The following ZNF519 variants were observed in gnomAD, a reference collection of about 807,000 sequenced individuals.
The protein encoded by ZNF519 is similar to Zinc finger protein 85 (Zinc finger protein HPF4) (HTF1).
A neutral mutation model predicts 7.4 loss-of-function variants in ZNF519; 7 were observed. The ratio of observed to expected loss-of-function variants is 0.94; its 90% CI spans 0.54 to 1.77. The LOEUF is 1.77. ZNF519 is among the 40% of genes most tolerant of loss of function. The pLI is 0.00. For synonymous variants in ZNF519, 179 were observed against 203.3 expected (o/e 0.88, Z 1.02); for missense variants, 586 against 623.1 (o/e 0.94, Z 0.63).
chr18:14,124,250 T>C (rs1187760369), intron 2 of ZNF519, 100 bp downstream of exon 2: 2 of 1,124,106 alleles, frequency 1.8e-6, no homozygotes, highest in Non-Finnish European at 2.4e-6. Context: ...AGAACTGAAA[T>C]TAATTCATGC....
downstream of ZNF519, among the ~76,000 whole-genome samples, chr18:14,096,269 C>T (rs757754290): frequency 1.3e-5 from 2 of 152,212 alleles, no homozygotes; most frequent in Non-Finnish European, 2.9e-5. Flanking sequence ...TGTGACTCTG[C>T]CCTTCCTACC....
At chr18:14,097,112 C>T (rs1307606952), downstream of ZNF519, among the ~76,000 whole-genome samples, 1 of 152,252 alleles carries the variant, frequency 6.6e-6, no homozygotes, top group African/African-American at 2.4e-5. Context: ...CCTGGAGTCT[C>T]CAAATCAAAT....
At chr18:14,113,192 C>A (rs1201069858) in intron 2 of ZNF519, among the ~76,000 whole-genome samples, 1 of 152,166 alleles carries the variant, frequency 6.6e-6, no homozygotes, top group Non-Finnish European at 1.5e-5. Flanking sequence ...GAAAATAAAT[C>A]TTTGAACCCC....
Position 14,116,493 on chromosome 18 carries a change from CA to C in ZNF519, c.130+7856del, listed in dbSNP as rs769531029. Reference sequence around the variant, plus strand: ...AGATGATGGAACAGAATGGAGAACTCAAAAACAAAGCATTGTGTATATGGTC... The same window carrying C: ...AGATGATGGAACAGAATGGAGAACTCAAAACAAAGCATTGTGTATATGGTC... On this transcript the variant is annotated intron_variant, in intron 2 of 2. Transcript: ENST00000590202. Among the ~76,000 whole-genome samples, 7 of 152,160 alleles carry C rather than the reference CA, an allele frequency of 4.6e-5. No homozygotes were observed. The East Asian group carries it at 1.4e-3, about 29-fold the overall frequency.
chr18:14,122,054 C>T (rs758136757), intron 2 of ZNF519: 5 of 152,090 alleles, frequency 3.3e-5, no homozygotes, highest in Non-Finnish European at 7.4e-5. Context: ...TTTAGCACAT[C>T]AGCTATCATT....
At chr18:14,127,335 T>C (rs2046304106) in intron 1 of ZNF519, among the ~76,000 whole-genome samples, 1 of 152,198 alleles carries the variant, frequency 6.6e-6, no homozygotes. Flanking sequence ...GAGTTTTCTG[T>C]ATGTCTTCAA....
At chr18:14,122,002 G>A (rs2046271700) in intron 2 of ZNF519, 1 of 152,144 alleles carries the variant, frequency 6.6e-6, no homozygotes, top group South Asian at 2.1e-4. Context: ...TTGCTTATCT[G>A]TGGTGACGAA....
At chr18:14,085,700 G>A (rs1375335967) in intron 2 of ZNF519, among the ~76,000 whole-genome samples, 1 of 152,056 alleles carries the variant, frequency 6.6e-6, no homozygotes, top group Non-Finnish European at 1.5e-5. Flanking sequence ...GAGGGAAGGT[G>A]AGTGATGTGA....
chr18:14,109,454 A>G (rs1236723032), intron 2 of ZNF519, among the ~76,000 whole-genome samples: 2 of 152,204 alleles, frequency 1.3e-5, no homozygotes, highest in Non-Finnish European at 2.9e-5. Flanking sequence ...TTGATAGACC[A>G]TATGTTAGGT....
downstream of ZNF519, chr18:14,073,891 T>C (rs752376303): frequency 3.9e-5 from 6 of 152,200 alleles, no homozygotes; most frequent in Non-Finnish European, 7.3e-5. Flanking sequence ...TCACTTTCCT[T>C]TCTCGAAGGC....
chr18:14,080,478 T>C (rs1314599617), intron 3 of ZNF519, among the ~76,000 whole-genome samples: 1 of 152,006 alleles, frequency 6.6e-6, no homozygotes, highest in Non-Finnish European at 1.5e-5. Flanking sequence ...CACGCCACCA[T>C]GCCCAGCTAA....
In ZNF519 at chr18:14,105,443, T is replaced by C. The variant is rs201342172; in HGVS notation, c.1097A>G (p.His366Arg). 6.2e-7 allele frequency: 1 copy of C among 1,613,964 alleles called. No individual in the cohort carries two copies. The change falls in exon 3 of 3, where the codon CAC (histidine) becomes CGC (arginine). Residue 366 changes from histidine to arginine, a missense_variant. By Grantham distance (29) the His-to-Arg change is conservative (BLOSUM62 0). Transcript: ENST00000590202. ...TTTCTCTCCGGTATGGATTCTCTGG[T>C]GTTGAGTAAGGTATGACCCCCTGTT... ...AFNRGSYLTQ[H>R]QRIHTGEKPF... is the part of the protein sequence containing the mutation.
chr18:14,090,958 T>C (rs2046112208), intron 2 of ZNF519: 1 of 152,246 alleles, frequency 6.6e-6, no homozygotes, highest in Admixed American at 6.5e-5. Context: ...TCTCCAATTA[T>C]TGTATTATAC....
Position 14,105,117 on chromosome 18 carries a change from G to A in ZNF519, c.1423C>T (p.Leu475Phe), listed in dbSNP as rs779341930. ...CGKAFIWGSHLTQHQRVHTGE... is the reference protein window; with the variant it reads ...CGKAFIWGSHFTQHQRVHTGE... ...GTATGGACTCTCTGATGTTGAGTAAGGTGTGAGCCCCAGATAAAAGCTTTG... is the reference window on the plus strand; with the variant it reads ...GTATGGACTCTCTGATGTTGAGTAAAGTGTGAGCCCCAGATAAAAGCTTTG... Residue 475 changes from leucine (L) to phenylalanine (F), a missense_variant, in exon 3 of 3, where the codon CTT becomes TTT. Physicochemically the swap from Leu to Phe is conservative, Grantham distance 22. Coordinates refer to ENST00000590202, the MANE Select transcript of ZNF519 (RefSeq NM_145287.4). The A allele has an allele frequency of 1.2e-6, 2 of 1,613,454 alleles. No homozygotes were observed. Among genetic ancestry groups the A allele is most frequent in the Non-Finnish European group, 8.5e-7 (1 of 1,179,750 alleles).
In ZNF519 at chr18:14,101,604, G is replaced by C. The variant is rs951696404; in HGVS notation, c.*3313C>G. 1.5e-5 allele frequency: 6 copies of C among 398,310 alleles called. No individual in the cohort carries two copies. The highest frequency in any genetic ancestry group is 1.2e-4 in the African/African-American group (6 of 48,586). 24.7% of individuals were successfully genotyped at this position (398,310 alleles called of 1,614,324 possible). A position where few individuals can be genotyped will look rare whatever the true frequency, so the allele number is the denominator to read the frequency against. Reference sequence around the variant, plus strand: ...CAAAGTCCTGTGAGTCATCAAGGTGGAGTCCTGGCAGAAGGCCTTCTCAGC... The same window carrying C: ...CAAAGTCCTGTGAGTCATCAAGGTGCAGTCCTGGCAGAAGGCCTTCTCAGC... On this transcript the variant is annotated 3_prime_UTR_variant, in exon 3 of 3. Coordinates refer to ENST00000590202, the MANE Select transcript of ZNF519 (RefSeq NM_145287.4).
chr18:14,093,365 AC>A (rs1375654485), intron 2 of ZNF519, among the ~76,000 whole-genome samples: 1 of 151,888 alleles, frequency 6.6e-6, no homozygotes, highest in Non-Finnish European at 1.5e-5. Flanking sequence ...TTCATGAGGG[AC>A]TCTCTTTCCT....
chr18:14,132,111 C>G (rs1189471476), intron 1 of ZNF519, among the ~76,000 whole-genome samples, 164 bp downstream of exon 1: 1 of 152,118 alleles, frequency 6.6e-6, no homozygotes, highest in Non-Finnish European at 1.5e-5. Flanking sequence ...GGGGCCAAAG[C>G]CGCCGTGCAG....
chr18:14,085,984 G>T (rs1466026454), intron 2 of ZNF519, among the ~76,000 whole-genome samples: 4 of 152,172 alleles, frequency 2.6e-5, no homozygotes, highest in African/African-American at 9.7e-5. Flanking sequence ...CCAGGGTTGT[G>T]CTGGCCCCAG....
chr18:14,074,038 TAGAAGATTTAGAAA>T (rs1357185682), downstream of ZNF519: 5 of 152,222 alleles, frequency 3.3e-5, no homozygotes, highest in Non-Finnish European at 7.3e-5. Context: ...TGATCAAACC[TAGAAGATTTAGAAA>T]GGAAGATTCC....
Sources: allele counts gnomAD v4.1 joint callset (sites outside exome capture counted in the v4.1 genomes callset), GRCh38; gene constraint gnomAD v4.1.1; transcripts MANE v1.5; gene names NCBI Gene and HGNC (gene_info 2026-07-23, HGNC 2026-07-21).